XRCC4: variants seen among roughly 807,000 people sequenced by gnomAD.
XRCC4 encodes the protein X-ray repair cross complementing 4, also known as DNA repair protein XRCC4.
XRCC4 carries 28 observed loss-of-function variants against 39.1 expected under a neutral mutation model. The ratio of observed to expected loss-of-function variants is 0.72; its 90% CI spans 0.53 to 0.98. XRCC4 has a LOEUF of 0.98. XRCC4 is among the 50% of genes least tolerant of loss of function. The pLI is 0.00. For missense variants in XRCC4, 350 were observed against 376.4 expected (o/e 0.93, Z 0.58); for synonymous variants, 123 against 126.4 (o/e 0.97, Z 0.18).
At chr5:83,248,045 T>C (rs1393894419) in intron 6 of XRCC4, among the ~76,000 whole-genome samples, 2 of 152,056 alleles carry the variant, frequency 1.3e-5, no homozygotes, top group East Asian at 1.9e-4. Context: ...AGAAGTGATA[T>C]CTTCATTGAG....
At chr5:83,158,867 A>G (rs1749079406) in intron 3 of XRCC4, among the ~76,000 whole-genome samples, 1 of 152,120 alleles carries the variant, frequency 6.6e-6, no homozygotes. Flanking sequence ...TAATTGGCAT[A>G]GTTATATTAA....
chr5:83,147,799 T>C (rs939400303), intron 3 of XRCC4, among the ~76,000 whole-genome samples: 92 of 151,864 alleles, frequency 6.1e-4, no homozygotes, highest in Middle Eastern at 3.2e-3. Flanking sequence ...CTTTTCTTTT[T>C]TTTTTTTTTG....
intron 6 of XRCC4, among the ~76,000 whole-genome samples, chr5:83,242,811 T>C (rs1319725335): frequency 6.6e-6 from 1 of 152,200 alleles, no homozygotes; most frequent in Non-Finnish European, 1.5e-5. Context: ...TGTGCCAAGC[T>C]AACTGCTTTA....
intron 6 of XRCC4, among the ~76,000 whole-genome samples, chr5:83,221,673 A>G (rs1196710569): frequency 6.6e-6 from 1 of 152,052 alleles, no homozygotes; most frequent in Non-Finnish European, 1.5e-5. Context: ...TTGATGGCAG[A>G]GCAAATAAAG....
chr5:83,192,319 A>ATATT (rs3069585), intron 3 of XRCC4, among the ~76,000 whole-genome samples: 3 of 143,500 alleles, frequency 2.1e-5, no homozygotes, highest in African/African-American at 7.8e-5. Flanking sequence ...ATATATATAT[A>ATATT]TTTTTTTGAG....
intron 3 of XRCC4, among the ~76,000 whole-genome samples, chr5:83,122,449 T>C (rs1032584054): frequency 2.0e-5 from 3 of 152,142 alleles, no homozygotes; most frequent in African/African-American, 7.2e-5. Context: ...TGTTGCTAAG[T>C]ATTCTATAAG....
chr5:83,135,827 T>C (rs1454347376), intron 3 of XRCC4, among the ~76,000 whole-genome samples: 1 of 152,226 alleles, frequency 6.6e-6, no homozygotes, highest in Non-Finnish European at 1.5e-5. Flanking sequence ...TAATAACCTT[T>C]AATGACCTTG....
chr5:83,275,144 T>C (rs1386063124), intron 7 of XRCC4, among the ~76,000 whole-genome samples: 1 of 152,120 alleles, frequency 6.6e-6, no homozygotes, highest in Non-Finnish European at 1.5e-5. Flanking sequence ...GTAGGTTTGA[T>C]TTAGAATAAG....
chr5:83,086,070 G>A (rs191971512), intron 1 of XRCC4, among the ~76,000 whole-genome samples: 1 of 152,274 alleles, frequency 6.6e-6, no homozygotes, highest in African/African-American at 2.4e-5. Context: ...ATGGGTATCA[G>A]GACTTGTTTT....
chr5:83,209,114 G>T (rs1751536352), intron 6 of XRCC4, among the ~76,000 whole-genome samples: 1 of 151,534 alleles, frequency 6.6e-6, no homozygotes, highest in African/African-American at 2.4e-5. Context: ...GTGTGTGTGT[G>T]TGTGTGTGAA....
At chr5:83,269,304 T>C (rs767547970) in intron 7 of XRCC4, among the ~76,000 whole-genome samples, 1 of 152,080 alleles carries the variant, frequency 6.6e-6, no homozygotes, top group Non-Finnish European at 1.5e-5. Flanking sequence ...TGTCCTATGC[T>C]GGGACTATAG....
In XRCC4 at chr5:83,162,252, T is replaced by C. The variant is rs966227519; in HGVS notation, c.316-33518T>C. On this transcript the variant is annotated intron_variant, in intron 3 of 7. Transcript: ENST00000396027. ...AGTAGCTATTGAAGTCAAGTGCTTATGTAAAATTTAAGATCGTTTATTTTC... is the reference window on the plus strand; with the variant it reads ...AGTAGCTATTGAAGTCAAGTGCTTACGTAAAATTTAAGATCGTTTATTTTC... Among the ~76,000 whole-genome samples, 4 of 152,228 alleles carry C rather than the reference T, an allele frequency of 2.6e-5. No individual in the cohort carries two copies. In the South Asian group the frequency reaches 6.2e-4, roughly 24 times the overall value.
intron 6 of XRCC4, among the ~76,000 whole-genome samples, chr5:83,255,090 AAAAG>A (rs1384069816): frequency 6.7e-6 from 1 of 149,958 alleles, no homozygotes; most frequent in Admixed American, 6.6e-5. Context: ...TCCGTCTCAA[AAAAG>A]AAAAAAAAAA....
In XRCC4 at chr5:83,183,811, A is replaced by G. The variant is rs115187587; in HGVS notation, c.316-11959A>G. Among the ~76,000 whole-genome samples the G allele has an allele frequency of 9.4e-3, 1,429 of 152,224 alleles. 4 individuals carry two copies. Among genetic ancestry groups the G allele is most frequent in the Non-Finnish European group, 0.016 (1,057 of 68,012 alleles). Reference sequence around the variant, plus strand: ...ATGGTTACCGTCTATCATACTCCCTAGCTTCTCCCAGTCTCATTAAAAATA... The same window carrying G: ...ATGGTTACCGTCTATCATACTCCCTGGCTTCTCCCAGTCTCATTAAAAATA... On this transcript the variant is annotated intron_variant, in intron 3 of 7. Coordinates refer to ENST00000396027, the MANE Select transcript of XRCC4 (RefSeq NM_003401.5).
At chr5:83,133,041 G>A (rs6452517) in intron 3 of XRCC4, among the ~76,000 whole-genome samples, 73,078 of 151,218 alleles carry the variant, frequency 0.48, 18,572 homozygotes, top group African/African-American at 0.63. Context: ...TCGGTCTTTG[G>A]TAATGGTGAT....
intron 7 of XRCC4, among the ~76,000 whole-genome samples, chr5:83,275,546 C>T (rs1363229376): frequency 1.3e-5 from 2 of 152,096 alleles, no homozygotes; most frequent in Admixed American, 6.5e-5. Flanking sequence ...CCGCCCGCCT[C>T]GGCCTCCCAA....
chr5:83,168,860 T>A (rs1459458038), intron 3 of XRCC4, among the ~76,000 whole-genome samples: 1 of 152,184 alleles, frequency 6.6e-6, no homozygotes, highest in African/African-American at 2.4e-5. Context: ...TAAATGCATA[T>A]TTTAGCAAAG....
rs183759595 is a variant in XRCC4 at position 83,188,190 on chromosome 5, C to T, written c.316-7580C>T. Among the ~76,000 whole-genome samples, 130 of 152,110 alleles carry T rather than the reference C, an allele frequency of 8.5e-4. No homozygotes were observed. The Middle Eastern group carries it at 0.01, about 12-fold the overall frequency. On this transcript the variant is annotated intron_variant, in intron 3 of 7. Transcript: ENST00000396027. ...TAGCTTTTACATGAGTTTGTAAAAG[C>T]TGCAATTAAGGTGTTGTCCAGGGGC... is the stretch of plus-strand genomic sequence containing the variant.
chr5:83,175,417 G>T (rs1036776999), intron 3 of XRCC4, among the ~76,000 whole-genome samples: 4 of 152,056 alleles, frequency 2.6e-5, no homozygotes, highest in Non-Finnish European at 2.9e-5. Flanking sequence ...TATTTAAAAA[G>T]TGACAACATG....
Sources: gnomAD v4.1 joint callset for allele counts (sites outside exome capture counted in the v4.1 genomes callset) on GRCh38, gnomAD v4.1.1 for gene constraint, MANE v1.5 for transcripts, NCBI Gene and HGNC (gene_info 2026-07-23, HGNC 2026-07-21) for gene names.